PTPRD: variants seen among roughly 807,000 people sequenced by gnomAD.
PTPRD encodes receptor-type tyrosine-protein phosphatase delta.
PTPRD carries 34 observed loss-of-function variants against 214.5 expected under a neutral mutation model. The ratio of observed to expected loss-of-function variants is 0.16; its 90% confidence interval spans 0.12 to 0.21. PTPRD has a LOEUF of 0.21. Among genes scored for constraint, PTPRD ranks in the 10% least tolerant of loss-of-function variants. The probability of loss-of-function intolerance (pLI) is 1.00; values close to 1 mark genes in which losing one functional copy is unlikely to be tolerated. For missense variants in PTPRD, 2,545 were observed against 2,398.7 expected (o/e 1.06, Z -1.27); for synonymous variants, 1,128 against 845.7 (o/e 1.33, Z -5.79).
At chr9:8,943,320 T>A (rs1224449316) in intron 11 of PTPRD, among the ~76,000 whole-genome samples, 1 of 151,868 alleles carries the variant, frequency 6.6e-6, no homozygotes. Flanking sequence ...TAGCCAAACC[T>A]ACCCTGAGCA....
At chr9:9,638,041 T>A (rs2095827379) in intron 7 of PTPRD, among the ~76,000 whole-genome samples, 1 of 152,114 alleles carries the variant, frequency 6.6e-6, no homozygotes, top group Admixed American at 6.6e-5. Flanking sequence ...TACCTCAAAG[T>A]TCTTCAAAAT....
At chr9:9,397,031 T>A (rs899213160) in intron 9 of PTPRD, among the ~76,000 whole-genome samples, 3 of 152,030 alleles carry the variant, frequency 2.0e-5, no homozygotes, top group Non-Finnish European at 4.4e-5. Context: ...GAATGTAAAT[T>A]CTTTTTTCTT....
chr9:8,498,761 T>G (rs1490327034), intron 25 of PTPRD, among the ~76,000 whole-genome samples: 1 of 152,088 alleles, frequency 6.6e-6, no homozygotes, highest in Non-Finnish European at 1.5e-5. Context: ...ACAGCAAAGG[T>G]AAGCCAGTAC....
At chr9:9,670,289 G>C (rs531173113) in intron 7 of PTPRD, among the ~76,000 whole-genome samples, 1 of 152,074 alleles carries the variant, frequency 6.6e-6, no homozygotes, top group African/African-American at 2.4e-5. Context: ...TATGGTATCT[G>C]GCAGAAGTAA....
chr9:9,595,220 G>T (rs930162231), intron 7 of PTPRD, among the ~76,000 whole-genome samples: 2 of 149,370 alleles, frequency 1.3e-5, no homozygotes, highest in African/African-American at 5.0e-5. Context: ...ATTTGATCCA[G>T]CAATCCCACT....
At chr9:9,262,812 G>C (rs947264472) in intron 9 of PTPRD, among the ~76,000 whole-genome samples, 1 of 150,998 alleles carries the variant, frequency 6.6e-6, no homozygotes. Context: ...CATTGACTTA[G>C]ATAGATACCC....
chr9:8,358,804 CCT>C (rs2077599720), intron 39 of PTPRD, among the ~76,000 whole-genome samples: 1 of 151,636 alleles, frequency 6.6e-6, no homozygotes, highest in Admixed American at 6.6e-5. Context: ...TGGTTTAAAT[CCT>C]CTCAGGAAAA....
chr9:8,478,479 T>G (rs1400609438), intron 30 of PTPRD, among the ~76,000 whole-genome samples: 1 of 152,118 alleles, frequency 6.6e-6, no homozygotes, highest in African/African-American at 2.4e-5. Context: ...TAAAATTAAT[T>G]TACATTGAGT....
chr9:10,280,960 G>C (rs10959012), intron 3 of PTPRD, among the ~76,000 whole-genome samples: 4 of 152,264 alleles, frequency 2.6e-5, no homozygotes, highest in East Asian at 3.9e-4. Flanking sequence ...AATGCCAGTG[G>C]TTCAGGAATC....
chr9:8,740,081 T>A (rs980923548), intron 11 of PTPRD, among the ~76,000 whole-genome samples: 5 of 152,120 alleles, frequency 3.3e-5, no homozygotes, highest in African/African-American at 9.7e-5. Flanking sequence ...TCCTGCCAAA[T>A]AAAAGATTTC....
At chr9:9,466,163 G>C (rs915444603) in intron 8 of PTPRD, among the ~76,000 whole-genome samples, 23 of 151,942 alleles carry the variant, frequency 1.5e-4, no homozygotes, top group African/African-American at 5.6e-4. Flanking sequence ...ACAAAAATTA[G>C]CTAGGCATGG....
rs116607396 is a variant in PTPRD, at chr9:10,436,673, A to G, written c.-599-95656T>C. Among the ~76,000 whole-genome samples the G allele has an allele frequency of 3.6e-3, 546 of 151,954 alleles. 3 individuals carry two copies. The highest frequency in any genetic ancestry group is 0.012 in the African/African-American group (513 of 41,518). ...ACTTTTCTCTCTTCTAGTGCTTGAA[A>G]TAAGTTCTAATCAATTAAAATTATT... On this transcript the variant is annotated intron_variant, in intron 2 of 45. Transcript: ENST00000381196.
At chr9:9,254,193 T>A (rs938129393) in intron 9 of PTPRD, among the ~76,000 whole-genome samples, 1 of 152,082 alleles carries the variant, frequency 6.6e-6, no homozygotes. Flanking sequence ...GAGCACATCT[T>A]ATGGGGGCGG....
intron 9 of PTPRD, among the ~76,000 whole-genome samples, chr9:9,279,922 G>C (rs894481557): frequency 6.6e-6 from 1 of 151,112 alleles, no homozygotes; most frequent in East Asian, 2.0e-4. Flanking sequence ...ATATACATTT[G>C]CCTCATTTAA....
At chr9:9,244,994 C>A (rs919062243) in intron 9 of PTPRD, among the ~76,000 whole-genome samples, 5 of 152,162 alleles carry the variant, frequency 3.3e-5, no homozygotes, top group Non-Finnish European at 4.4e-5. Context: ...ACAGACACTT[C>A]TCAAAAGAAG....
intron 11 of PTPRD, among the ~76,000 whole-genome samples, chr9:8,886,181 G>A (rs2098485954): frequency 6.6e-6 from 1 of 152,140 alleles, no homozygotes; most frequent in African/African-American, 2.4e-5. Flanking sequence ...ATTGATATTT[G>A]GGGACATCTG....
At chr9:9,571,814 T>C (rs1340417341) in intron 8 of PTPRD, among the ~76,000 whole-genome samples, 3 of 151,318 alleles carry the variant, frequency 2.0e-5, no homozygotes, top group African/African-American at 4.8e-5. Context: ...TTAATATTTA[T>C]GTATGAATTT....
chr9:9,201,665 A>G lies in PTPRD; in HGVS notation c.-202-18302T>C, dbSNP rs562894399. On this transcript the variant is annotated intron_variant, in intron 9 of 45. Transcript: ENST00000381196. Reference sequence around the variant, plus strand: ...TATCTTACTGATAAAAATAATTAACAAATGTCTTACAATATTCTCAATGCA... The same window carrying G: ...TATCTTACTGATAAAAATAATTAACGAATGTCTTACAATATTCTCAATGCA... Among the ~76,000 whole-genome samples the G allele has an allele frequency of 3.3e-5, 5 of 152,328 alleles. No individual in the cohort carries two copies. In the South Asian group the frequency reaches 1.0e-3, roughly 32 times the overall value.
At chr9:9,947,329 A>ATATAT (rs1262206211) in intron 4 of PTPRD, among the ~76,000 whole-genome samples, 2 of 66,108 alleles carry the variant, frequency 3.0e-5, no homozygotes, top group Non-Finnish European at 5.0e-5. Flanking sequence ...TATATATTAT[A>ATATAT]TATGTATTAT....
Sources: gnomAD v4.1 joint callset for allele counts (sites outside exome capture counted in the v4.1 genomes callset) on GRCh38, gnomAD v4.1.1 for gene constraint, MANE v1.5 for transcripts, NCBI Gene and HGNC (gene_info 2026-07-23, HGNC 2026-07-21) for gene names.